SLC2A13: variants seen among roughly 807,000 people sequenced by gnomAD.
SLC2A13 encodes the protein proton myo-inositol cotransporter.
A neutral mutation model predicts 64.4 loss-of-function variants in SLC2A13; 32 were observed. That is an observed-to-expected ratio of 0.50 (90% CI 0.37 to 0.67). SLC2A13 has a LOEUF of 0.67. SLC2A13 is among the 30% of genes least tolerant of loss of function. The probability of loss-of-function intolerance (pLI) is 0.00; values close to 1 mark genes in which losing one functional copy is unlikely to be tolerated. For missense variants in SLC2A13, 743 were observed against 829.2 expected (o/e 0.90, Z 1.28); for synonymous variants, 338 against 327.1 (o/e 1.03, Z -0.36).
chr12:39,813,135 G>A (rs1401422459), intron 7 of SLC2A13, among the ~76,000 whole-genome samples: 1 of 147,700 alleles, frequency 6.8e-6, no homozygotes, highest in Non-Finnish European at 1.5e-5. Flanking sequence ...GTGACCCACT[G>A]TGCCCAGCCT....
chr12:39,806,623 C>A (rs1941986537), intron 7 of SLC2A13, among the ~76,000 whole-genome samples: 1 of 152,138 alleles, frequency 6.6e-6, no homozygotes, highest in South Asian at 2.1e-4. Context: ...ACAACTTCTT[C>A]AAGCAAACTT....
intron 6 of SLC2A13, among the ~76,000 whole-genome samples, chr12:39,862,036 C>A (rs1470222352): frequency 1.3e-5 from 2 of 152,210 alleles, no homozygotes; most frequent in African/African-American, 2.4e-5. Context: ...TCCCCCACCA[C>A]TGCCCCCTAA....
At chr12:39,940,936 C>T (rs913176899) in intron 4 of SLC2A13, among the ~76,000 whole-genome samples, 1 of 151,958 alleles carries the variant, frequency 6.6e-6, no homozygotes, top group Non-Finnish European at 1.5e-5. Context: ...CATAGCTTAG[C>T]TCCCCCATAT....
At chr12:40,101,107 A>G (rs1939134995) in intron 1 of SLC2A13, among the ~76,000 whole-genome samples, 1 of 151,956 alleles carries the variant, frequency 6.6e-6, no homozygotes, top group South Asian at 2.1e-4. Flanking sequence ...GCGACAATGG[A>G]GAAAGTCTAG....
chr12:39,780,201 A>G (rs1940931219), intron 7 of SLC2A13, among the ~76,000 whole-genome samples: 1 of 147,886 alleles, frequency 6.8e-6, no homozygotes, highest in Non-Finnish European at 1.5e-5. Flanking sequence ...CCCATTTTGC[A>G]TATAAGTCTT....
At chr12:39,945,204 T>C (rs541213265) in intron 4 of SLC2A13, among the ~76,000 whole-genome samples, 129 of 152,334 alleles carry the variant, frequency 8.5e-4, no homozygotes, top group Non-Finnish European at 1.6e-3. Flanking sequence ...TTCTAGCTGG[T>C]AGGGTTTCTG....
At chr12:39,967,426 T>C (rs1228501596) in intron 3 of SLC2A13, among the ~76,000 whole-genome samples, 1 of 152,170 alleles carries the variant, frequency 6.6e-6, no homozygotes, top group East Asian at 1.9e-4. Context: ...GGATACCCTG[T>C]CCTCTGAGAT....
At chr12:39,829,930 A>G in intron 7 of SLC2A13, 173 bp downstream of exon 7, 1 of 827,052 alleles carries the variant, frequency 1.2e-6, no homozygotes. Flanking sequence ...CTCTGTGTGA[A>G]ACACACAATT....
intron 1 of SLC2A13, among the ~76,000 whole-genome samples, chr12:40,059,162 C>T (rs1948378776): frequency 6.6e-6 from 1 of 152,182 alleles, no homozygotes; most frequent in Non-Finnish European, 1.5e-5. Context: ...GGCACTGCTG[C>T]TACTCAATGA....
At chr12:40,072,077 T>A (rs1231469065) in intron 1 of SLC2A13, among the ~76,000 whole-genome samples, 1 of 152,150 alleles carries the variant, frequency 6.6e-6, no homozygotes, top group South Asian at 2.1e-4. Context: ...AAAGCACTGC[T>A]TTCAGTGAAT....
intron 2 of SLC2A13, among the ~76,000 whole-genome samples, chr12:40,043,835 A>T (rs1460951220): frequency 6.6e-6 from 1 of 152,210 alleles, no homozygotes; most frequent in Non-Finnish European, 1.5e-5. Context: ...TAATCAAAAA[A>T]GACAAATAAC....
rs761881819 is a variant in SLC2A13, at chr12:39,763,614, G to A, written c.1720+846C>T. On this transcript the variant is annotated intron_variant, in intron 9 of 9. Coordinates refer to ENST00000280871, the MANE Select transcript of SLC2A13 (RefSeq NM_052885.4). ...AGAAATGATAAGTGGCCAGAGCACAGAGTAAAGAGATTGCGGGGAGATGAG... is the reference window on the plus strand; with the variant it reads ...AGAAATGATAAGTGGCCAGAGCACAAAGTAAAGAGATTGCGGGGAGATGAG... Among the ~76,000 whole-genome samples the A allele has an allele frequency of 2.0e-5, 3 of 152,172 alleles. No homozygotes were observed. In the Middle Eastern group the frequency reaches 0.01, roughly 518 times the overall value.
At chr12:39,775,135 A>ACAT (rs1225540598) in intron 7 of SLC2A13, among the ~76,000 whole-genome samples, 1 of 152,224 alleles carries the variant, frequency 6.6e-6, no homozygotes, top group African/African-American at 2.4e-5. Context: ...CACAAGATTA[A>ACAT]CATAGATAGA....
intron 2 of SLC2A13, among the ~76,000 whole-genome samples, chr12:40,032,657 T>C (rs1947922806): frequency 6.6e-6 from 1 of 152,234 alleles, no homozygotes; most frequent in South Asian, 2.1e-4. Context: ...TGAGCAAGCC[T>C]GCTGTCTCTT....
intron 7 of SLC2A13, among the ~76,000 whole-genome samples, chr12:39,804,961 G>T (rs1941920049): frequency 8.0e-6 from 1 of 125,518 alleles, no homozygotes; most frequent in South Asian, 3.0e-4. Flanking sequence ...GAAGACTTTG[G>T]CACTTGCTTG....
intron 7 of SLC2A13, among the ~76,000 whole-genome samples, chr12:39,810,982 A>G (rs2135804774): frequency 6.6e-6 from 1 of 152,206 alleles, no homozygotes; most frequent in South Asian, 2.1e-4. Context: ...CCTTTTCTGA[A>G]AGAGTTTATA....
At chr12:39,795,387 CTTA>C (rs1592144766) in intron 7 of SLC2A13, among the ~76,000 whole-genome samples, 1 of 151,954 alleles carries the variant, frequency 6.6e-6, no homozygotes, top group Non-Finnish European at 1.5e-5. Context: ...TATAAATCTG[CTTA>C]TTGTCTGCTC....
At chr12:39,905,212 A>G (rs1229303563) in intron 4 of SLC2A13, among the ~76,000 whole-genome samples, 1 of 152,136 alleles carries the variant, frequency 6.6e-6, no homozygotes, top group Admixed American at 6.6e-5. Flanking sequence ...GTACTAAAGA[A>G]AAGTGATGAG....
At chr12:39,914,503 C>CA (rs911120668) in intron 4 of SLC2A13, among the ~76,000 whole-genome samples, 6 of 152,050 alleles carry the variant, frequency 3.9e-5, no homozygotes, top group Admixed American at 6.6e-5. Context: ...AGAGGGAACT[C>CA]AGAGTACTGG....
Sources: gnomAD v4.1 joint callset for allele counts (sites outside exome capture counted in the v4.1 genomes callset) on GRCh38, gnomAD v4.1.1 for gene constraint, MANE v1.5 for transcripts, NCBI Gene and HGNC (gene_info 2026-07-23, HGNC 2026-07-21) for gene names.